KATNAL1: variants seen among roughly 807,000 people sequenced by gnomAD.
The protein encoded by KATNAL1 is katanin p60 ATPase-containing subunit A-like 1.
In KATNAL1, 32 loss-of-function variants were observed where a neutral mutation model predicts 55.2. The ratio of observed to expected loss-of-function variants is 0.58; its 90% CI spans 0.44 to 0.78. The LOEUF is 0.78. KATNAL1 is among the 30% of genes least tolerant of loss of function. KATNAL1 has a pLI of 0.00. For synonymous variants in KATNAL1, 193 were observed against 193.6 expected, an observed-to-expected ratio of 1.00 and a Z score of 0.02; for missense variants, 466 against 600.9, an observed-to-expected ratio of 0.78 and a Z score of 2.35.
intron 1 of KATNAL1, among the ~76,000 whole-genome samples, chr13:30,306,490 G>C (rs1203579951): frequency 6.6e-5 from 10 of 152,008 alleles, no homozygotes; most frequent in Admixed American, 6.6e-4. Context: ...TCACAACCTT[G>C]AACCTCAAGA....
At chr13:30,245,212 A>T (rs1877667087) in intron 4 of KATNAL1, among the ~76,000 whole-genome samples, 1 of 152,196 alleles carries the variant, frequency 6.6e-6, no homozygotes, top group African/African-American at 2.4e-5. Context: ...CACCACGATC[A>T]AGTTGGCTTC....
At chr13:30,274,911 A>ACG (rs1880717191) in intron 3 of KATNAL1, among the ~76,000 whole-genome samples, 1 of 92,116 alleles carries the variant, frequency 1.1e-5, no homozygotes, top group African/African-American at 4.7e-5. Flanking sequence ...GCGCGCGCAC[A>ACG]CACACACACA....
chr13:30,272,227 G>A (rs566796148), intron 3 of KATNAL1, among the ~76,000 whole-genome samples: 13 of 152,094 alleles, frequency 8.5e-5, no homozygotes, highest in East Asian at 1.9e-4. Context: ...GTGAAACCCC[G>A]TCTCTACTAA....
At chr13:30,246,480 T>C (rs1004426929) in intron 4 of KATNAL1, among the ~76,000 whole-genome samples, 6 of 152,170 alleles carry the variant, frequency 3.9e-5, no homozygotes, top group African/African-American at 1.4e-4. Context: ...GACATAGGCA[T>C]GGGTAAAGAC....
chr13:30,231,050 A>G (rs766219673), intron 7 of KATNAL1, among the ~76,000 whole-genome samples: 12 of 152,224 alleles, frequency 7.9e-5, no homozygotes, highest in Non-Finnish European at 1.6e-4. Context: ...CAGTCAACCC[A>G]CATATACGAC....
At chr13:30,255,204 A>G (rs1428919784) in intron 4 of KATNAL1, among the ~76,000 whole-genome samples, 3 of 152,158 alleles carry the variant, frequency 2.0e-5, no homozygotes, top group Non-Finnish European at 1.5e-5. Flanking sequence ...TTTTCTTACA[A>G]GGGATCCATT....
intron 9 of KATNAL1, among the ~76,000 whole-genome samples, chr13:30,216,612 C>T (rs879746246): frequency 6.6e-6 from 1 of 152,162 alleles, no homozygotes; most frequent in Non-Finnish European, 1.5e-5. Context: ...AGCCAACAGG[C>T]TCGCAGGGAG....
chr13:30,233,349 T>A (rs1260848857), intron 6 of KATNAL1, among the ~76,000 whole-genome samples: 1 of 151,958 alleles, frequency 6.6e-6, no homozygotes, highest in Non-Finnish European at 1.5e-5. Flanking sequence ...AATAGATACA[T>A]GAAAAAATGC....
At chr13:30,248,411 C>A (rs1297189574) in intron 4 of KATNAL1, among the ~76,000 whole-genome samples, 1 of 151,808 alleles carries the variant, frequency 6.6e-6, no homozygotes, top group Non-Finnish European at 1.5e-5. Context: ...AAAATAAAAA[C>A]AAAACCCAGC....
chr13:30,259,631 G>T (rs1332831381), intron 3 of KATNAL1, among the ~76,000 whole-genome samples: 1 of 152,132 alleles, frequency 6.6e-6, no homozygotes, highest in Non-Finnish European at 1.5e-5. Flanking sequence ...TGGAAAATCG[G>T]GTCACTCCCA....
intron 2 of KATNAL1, among the ~76,000 whole-genome samples, chr13:30,280,665 A>T (rs1881213433): frequency 6.6e-6 from 1 of 152,202 alleles, no homozygotes; most frequent in Non-Finnish European, 1.5e-5. Flanking sequence ...AACGCCTGTC[A>T]TGAGTGTCTG....
At chr13:30,279,385 G>T (rs996906396) in intron 3 of KATNAL1, among the ~76,000 whole-genome samples, 9 of 152,166 alleles carry the variant, frequency 5.9e-5, no homozygotes, top group Admixed American at 2.0e-4. Context: ...TGCTATGTCT[G>T]GGCAAATCAA....
intron 6 of KATNAL1, among the ~76,000 whole-genome samples, chr13:30,239,990 T>A (rs1031471898): frequency 6.6e-6 from 1 of 152,138 alleles, no homozygotes; most frequent in Non-Finnish European, 1.5e-5. Flanking sequence ...AGCCAAGAAG[T>A]AGTTTTTTAA....
intron 3 of KATNAL1, among the ~76,000 whole-genome samples, chr13:30,269,901 G>T (rs1248135790): frequency 2.0e-5 from 3 of 151,756 alleles, no homozygotes; most frequent in Admixed American, 1.3e-4. Context: ...CAGGAGGGGG[G>T]GGTCAGCCCC....
chr13:30,217,836 T>A (rs1172918750), intron 9 of KATNAL1, among the ~76,000 whole-genome samples: 2 of 152,078 alleles, frequency 1.3e-5, no homozygotes, highest in Non-Finnish European at 1.5e-5. Flanking sequence ...ACTCAATAAA[T>A]GTTCACAGCC....
At chr13:30,283,983 C>T (rs893848553) in intron 1 of KATNAL1, among the ~76,000 whole-genome samples, 192 bp from the exon 2 acceptor site, 4 of 151,216 alleles carry the variant, frequency 2.6e-5, no homozygotes, top group Non-Finnish European at 5.9e-5. Context: ...TCAAGTGATT[C>T]CTGAGTAGCT....
chr13:30,252,863 C>T (rs1878450925), intron 4 of KATNAL1, among the ~76,000 whole-genome samples: 1 of 152,084 alleles, frequency 6.6e-6, no homozygotes, highest in East Asian at 1.9e-4. Context: ...TCTCATGCCT[C>T]AGCCTCCCAA....
intron 1 of KATNAL1, among the ~76,000 whole-genome samples, chr13:30,295,701 T>G (rs1455150158): frequency 6.6e-6 from 1 of 152,194 alleles, no homozygotes; most frequent in Non-Finnish European, 1.5e-5. Flanking sequence ...AAGATGCTTG[T>G]GAACACTGTT....
At chr13:30,277,188 T>C (rs1016793064) in intron 3 of KATNAL1, among the ~76,000 whole-genome samples, 16 of 152,244 alleles carry the variant, frequency 1.1e-4, no homozygotes, top group Admixed American at 6.5e-4. Context: ...AAATGACTTG[T>C]TTTATGAATG....
Sources: gnomAD v4.1 joint callset for allele counts (sites outside exome capture counted in the v4.1 genomes callset) on GRCh38, gnomAD v4.1.1 for gene constraint, MANE v1.5 for transcripts, NCBI Gene and HGNC (gene_info 2026-07-23, HGNC 2026-07-21) for gene names.